COL5A1: variants seen among roughly 807,000 people sequenced by gnomAD.
COL5A1 encodes the protein collagen alpha-1(V) chain.
In COL5A1, 16 loss-of-function variants were observed where a neutral mutation model predicts 263.7. The observed-to-expected ratio is 0.06, with a 90% CI of 0.04 to 0.09. COL5A1 has a LOEUF of 0.09. Among genes scored for constraint, COL5A1 ranks in the 10% least tolerant of loss-of-function variants. The pLI is 1.00. For synonymous variants in COL5A1, 1,012 were observed against 1,004.5 expected (o/e 1.01, Z -0.14); for missense variants, 2,036 against 2,540.5 (o/e 0.80, Z 4.27).
chr9:134,838,539 G>A (rs559071821), intron 65 of COL5A1, among the ~76,000 whole-genome samples: 3 of 152,308 alleles, frequency 2.0e-5, no homozygotes, highest in Admixed American at 6.5e-5. Flanking sequence ...CTGGTTAGCC[G>A]CCCAGTGCTG....
At chr9:134,715,694 T>C (rs1474387345) in intron 4 of COL5A1, among the ~76,000 whole-genome samples, 1 of 152,200 alleles carries the variant, frequency 6.6e-6, no homozygotes, top group Non-Finnish European at 1.5e-5. Flanking sequence ...ACAAAGCACA[T>C]CCTGCATAGC....
rs189785331 is a variant in COL5A1, at chr9:134,760,785, C to T, written c.1936-1140C>T. Among the ~76,000 whole-genome samples the T allele has an allele frequency of 2.4e-3, 346 of 145,096 alleles. 2 individuals carry two copies. Among genetic ancestry groups the T allele is most frequent in the African/African-American group, 8.4e-3 (322 of 38,502 alleles). ...CATACACGAACACCACCTACACATG[C>T]ACACACACGCATACACCCTGACACA... On this transcript the variant is annotated intron_variant, in intron 18 of 65. Coordinates refer to ENST00000371817, the MANE Select transcript of COL5A1 (RefSeq NM_000093.5).
Position 134,741,281 on chromosome 9 carries a change from G to A in COL5A1, c.1494+2473G>A, listed in dbSNP as rs1447784397. 2.6e-5 allele frequency among the ~76,000 whole-genome samples: 4 copies of A among 152,150 alleles called. No homozygotes were observed. The highest frequency in any genetic ancestry group is 4.8e-5 in the African/African-American group (2 of 41,446). On this transcript the variant is annotated intron_variant, in intron 11 of 65. Coordinates refer to ENST00000371817, the MANE Select transcript of COL5A1 (RefSeq NM_000093.5). This position sits in a 1 kb window ranked among gnomAD's most constrained non-coding sequence, Gnocchi z 4.5. ...CAAAAGACAGATTAACAAGAGAAGA[G>A]GCATACGATTTTAACACTTTTAATC...
intron 61 of COL5A1, 115 bp downstream of exon 61, chr9:134,823,584 C>A: frequency 8.9e-7 from 1 of 1,123,266 alleles, no homozygotes; most frequent in Non-Finnish European, 1.3e-6. Context: ...GCCCATGTGG[C>A]ATGCCCGGGC....
rs112889019 is a variant in COL5A1 at position 134,810,116 on chromosome 9, A to C, written c.3475-139A>C. On this transcript the variant is annotated intron_variant, in intron 43 of 65. Transcript: ENST00000371817. The stretch of plus-strand genomic sequence containing the variant: ...AAGGAAATCAAGCTAATATATGGAA[A>C]CATTTATTCGTAGGAAAGTTTTAGG... The C allele has an allele frequency of 1.7e-3, 1,497 of 887,128 alleles. 18 individuals are homozygous for C. The African/African-American group carries it at 0.02, about 12-fold the overall frequency. The allele number at this position is 887,128 out of a possible 1,614,324, so 55.0% of individuals were successfully genotyped here. A position where few individuals can be genotyped will look rare whatever the true frequency, so the allele number is the denominator to read the frequency against.
chr9:134,755,782 G>A lies in COL5A1; in HGVS notation c.1828-983G>A, dbSNP rs564383813. The stretch of plus-strand genomic sequence containing the variant: ...GGAGCACCGACTGTCTCCTTGGGGT[G>A]TGTTTGGATTTCTCTCTTTTTGCTT... On this transcript the variant is annotated intron_variant, in intron 16 of 65. Transcript: ENST00000371817. The surrounding 1 kb of genome is among the most constrained non-coding windows in gnomAD (Gnocchi z 4.1). Among the ~76,000 whole-genome samples, 138 of 152,222 alleles carry A rather than the reference G, an allele frequency of 9.1e-4. No homozygotes were observed. Among genetic ancestry groups the A allele is most frequent in the Non-Finnish European group, 1.5e-3 (105 of 68,004 alleles).
In COL5A1 at chr9:134,789,790, C is replaced by T. The variant is rs1837605007; in HGVS notation, c.2700+582C>T. On this transcript the variant is annotated intron_variant, in intron 32 of 65. Coordinates refer to ENST00000371817, the MANE Select transcript of COL5A1 (RefSeq NM_000093.5). This position sits in a 1 kb window ranked among gnomAD's most constrained non-coding sequence, Gnocchi z 4.8. ...GTGTTCTCCCTGCACCTTCTGGAGC[C>T]CCCGCTGGCCCAGGCCTCCCTGCAG... 6.6e-6 allele frequency among the ~76,000 whole-genome samples: 1 copy of T among 152,168 alleles called. No homozygotes were observed. The highest frequency in any genetic ancestry group is 1.5e-5 in the Non-Finnish European group (1 of 68,042).
chr9:134,817,850 A>G lies in COL5A1; in HGVS notation c.4230+19A>G. 2 of 1,592,248 alleles carry G rather than the reference A, an allele frequency of 1.3e-6. No homozygotes were observed. The highest frequency in any genetic ancestry group is 1.7e-6 in the Non-Finnish European group (2 of 1,169,034). ...GGCCAAGGTAACGTGTTTTGGAGCC[A>G]GGCTGTGACCGCGTAGACCTCCCCC... On this transcript the variant is annotated intron_variant, in intron 54 of 65. Coordinates refer to ENST00000371817, the MANE Select transcript of COL5A1 (RefSeq NM_000093.5).
At chr9:134,761,852 A>G in intron 18 of COL5A1, 73 bp from the exon 19 acceptor site, 5 of 1,460,744 alleles carry the variant, frequency 3.4e-6, no homozygotes, top group Admixed American at 3.3e-5. Flanking sequence ...TTAGAGAAAA[A>G]CAAAGTGGGA....
At chr9:134,656,834 T>C (rs1831989055) in intron 1 of COL5A1, among the ~76,000 whole-genome samples, 1 of 148,134 alleles carries the variant, frequency 6.8e-6, no homozygotes, top group African/African-American at 2.5e-5. Context: ...CAGAGGATGC[T>C]AAATGGTTGG....
intron 25 of COL5A1, among the ~76,000 whole-genome samples, chr9:134,771,528 C>T (rs1297780548): frequency 1.3e-5 from 2 of 152,220 alleles, no homozygotes; most frequent in Non-Finnish European, 2.9e-5. Flanking sequence ...GATAGGCTGT[C>T]TGCTAGGATA....
intron 4 of COL5A1, among the ~76,000 whole-genome samples, chr9:134,704,173 G>T (rs948707540): frequency 6.6e-6 from 1 of 152,200 alleles, no homozygotes; most frequent in Non-Finnish European, 1.5e-5. Flanking sequence ...AGAAATCCGT[G>T]TTCAGGGCTG....
At chr9:134,672,086 T>C (rs1412881850) in intron 1 of COL5A1, among the ~76,000 whole-genome samples, 1 of 152,266 alleles carries the variant, frequency 6.6e-6, no homozygotes, top group Admixed American at 6.5e-5. Context: ...AATTGCCCAT[T>C]ATCAAGGCAA....
At chr9:134,712,033 T>G in intron 4 of COL5A1, among the ~76,000 whole-genome samples, 1 of 98,074 alleles carries the variant, frequency 1.0e-5, no homozygotes, top group Non-Finnish European at 1.9e-5. Flanking sequence ...CCTTCCCCCC[T>G]TCTTCCTGCC....
In COL5A1 at chr9:134,811,581, T is replaced by C. The variant is rs1257805035; in HGVS notation, c.3672T>C (p.Pro1224=). Residue 1224 remains proline, a synonymous_variant, in exon 46 of 66, where the codon CCT becomes CCC. Transcript: ENST00000371817. ...DEGPRGFPGP[P]GPVGLQGLPG... ...GTCCCAGAGGCTTTCCTGGACCCCC[T>C]GGGCCAGTGGGGCTGCAGGTAACTG... 6.4e-7 allele frequency: 1 copy of C among 1,558,872 alleles called. No homozygotes were observed. The highest frequency in any genetic ancestry group is 1.2e-5 in the South Asian group (1 of 85,682).
chr9:134,826,870 TATGTGGGTGC>T (rs1384119299), intron 63 of COL5A1, among the ~76,000 whole-genome samples: 2 of 151,212 alleles, frequency 1.3e-5, no homozygotes, highest in African/African-American at 4.9e-5. Context: ...GTGGCTGGTG[TATGTGGGTGC>T]ATGTGGCTGG....
intron 4 of COL5A1, among the ~76,000 whole-genome samples, chr9:134,706,487 G>A: frequency 6.6e-6 from 1 of 152,156 alleles, no homozygotes. Context: ...CACAGGCAAG[G>A]AGAAGGCGGA....
At chr9:134,838,303 AAATCTCCCCCATGGAGAAGCACCCTTCT>A (rs1347926416) in intron 65 of COL5A1, among the ~76,000 whole-genome samples, 4 of 152,180 alleles carry the variant, frequency 2.6e-5, no homozygotes, top group Non-Finnish European at 5.9e-5. Flanking sequence ...CCCAGGGGCA[AAATCTCCCCCATGGAGAAGCACCCTTCT>A]ACACACAGAA....
intron 18 of COL5A1, among the ~76,000 whole-genome samples, chr9:134,759,404 C>A (rs1336737741): frequency 1.7e-5 from 2 of 120,184 alleles, no homozygotes; most frequent in East Asian, 4.9e-4. Flanking sequence ...CGCATACACA[C>A]CCACACACAC....
Sources: allele counts gnomAD v4.1 joint callset (sites outside exome capture counted in the v4.1 genomes callset), GRCh38; gene constraint gnomAD v4.1.1; non-coding constraint Gnocchi (gnomAD v3.1); transcripts MANE v1.5; gene names NCBI Gene and HGNC (gene_info 2026-07-23, HGNC 2026-07-21).